The following RIPOR2 variants were observed in gnomAD, a reference collection of about 807,000 sequenced individuals.
RIPOR2 encodes RHO family interacting cell polarization regulator 2.
A neutral mutation model predicts 114.5 loss-of-function variants in RIPOR2; 39 were observed. That is an observed-to-expected ratio of 0.34 (90% CI 0.26 to 0.44). The LOEUF (loss-of-function observed/expected upper bound fraction) is 0.44. RIPOR2 is among the 20% of genes least tolerant of loss of function. The pLI, the probability that RIPOR2 is intolerant of heterozygous loss-of-function variation, is 1.00. For synonymous variants in RIPOR2, 445 were observed against 484.4 expected, an observed-to-expected ratio of 0.92 and a Z score of 1.07; for missense variants, 1,007 against 1,255.1, an observed-to-expected ratio of 0.80 and a Z score of 2.99.
chr6:24,833,606 G>A (rs1453598983), intron 15 of RIPOR2, among the ~76,000 whole-genome samples: 1 of 152,076 alleles, frequency 6.6e-6, no homozygotes, highest in African/African-American at 2.4e-5. Context: ...GCAATGAACT[G>A]CTTTATTTTG....
chr6:24,985,002 GATGCAACTCCAA>G (rs1275384630), intron 1 of RIPOR2, among the ~76,000 whole-genome samples: 1 of 152,190 alleles, frequency 6.6e-6, no homozygotes, highest in Non-Finnish European at 1.5e-5. Context: ...CAACTTAATG[GATGCAACTCCAA>G]ATGCAATAAA....
chr6:24,806,507 C>G, intron 21 of RIPOR2, 34 bp from the exon 22 acceptor site: 1 of 1,394,176 alleles, frequency 7.2e-7, no homozygotes, highest in African/African-American at 1.5e-5. Flanking sequence ...AATACCAATT[C>G]AAACAACGTT....
At chr6:24,842,568 T>C (rs2113729574) in intron 13 of RIPOR2, among the ~76,000 whole-genome samples, 1 of 152,314 alleles carries the variant, frequency 6.6e-6, no homozygotes, top group East Asian at 1.9e-4. Flanking sequence ...ATCATCAAAG[T>C]GCCTCTACTT....
At chr6:24,938,340 C>G (rs190879170), upstream of RIPOR2, among the ~76,000 whole-genome samples, 1 of 152,100 alleles carries the variant, frequency 6.6e-6, no homozygotes, top group Non-Finnish European at 1.5e-5. Context: ...AGAGATTCTC[C>G]CTCACATCCC....
intron 1 of RIPOR2, among the ~76,000 whole-genome samples, chr6:24,896,261 T>C (rs1049986362): frequency 1.3e-5 from 2 of 152,192 alleles, no homozygotes; most frequent in African/African-American, 4.8e-5. Flanking sequence ...ACTAATTGTA[T>C]AATAGGGATA....
chr6:24,901,996 G>A (rs1002471706), intron 1 of RIPOR2, among the ~76,000 whole-genome samples: 15 of 152,112 alleles, frequency 9.9e-5, no homozygotes, highest in African/African-American at 2.2e-4. Flanking sequence ...CTAAAGTATC[G>A]TGATGACTAT....
chr6:24,925,813 C>A (rs1020503481), intron 1 of RIPOR2, among the ~76,000 whole-genome samples: 6 of 152,136 alleles, frequency 3.9e-5, no homozygotes, highest in African/African-American at 1.4e-4. Context: ...ATGAGTGGCA[C>A]TCAATAAATA....
chr6:24,960,271 G>A (rs766482035), intron 1 of RIPOR2, among the ~76,000 whole-genome samples: 8 of 152,164 alleles, frequency 5.3e-5, no homozygotes, highest in Non-Finnish European at 1.0e-4. Flanking sequence ...GGAAGTCCAA[G>A]GTCAAGGCAC....
intron 1 of RIPOR2, among the ~76,000 whole-genome samples, chr6:24,905,253 C>A (rs896680608): frequency 2.0e-5 from 3 of 152,024 alleles, no homozygotes; most frequent in Non-Finnish European, 4.4e-5. Context: ...TATTTTATAT[C>A]TTTTCTGCTG....
intron 12 of RIPOR2, 42 bp downstream of exon 12, chr6:24,847,983 T>C: frequency 6.2e-7 from 1 of 1,612,600 alleles, no homozygotes; most frequent in Non-Finnish European, 8.5e-7. Context: ...AAGCACTGGC[T>C]CAGGTGCATT....
chr6:24,944,245 T>C (rs1168678612), intron 1 of RIPOR2, among the ~76,000 whole-genome samples: 1 of 151,958 alleles, frequency 6.6e-6, no homozygotes, highest in Non-Finnish European at 1.5e-5. Flanking sequence ...TAAGGCAGAG[T>C]TGTAAAGTGC....
At chr6:24,852,471 A>T in intron 9 of RIPOR2, 104 bp downstream of exon 9, 1 of 929,372 alleles carries the variant, frequency 1.1e-6, no homozygotes, top group Non-Finnish European at 1.7e-6. Flanking sequence ...AAAATTAAAA[A>T]TTAAAAAAAA....
In RIPOR2 at chr6:24,910,971, G is replaced by C. The variant is rs915850694; in HGVS notation, c.61+24867C>G. ...ACTTGGGTGAAGGGGACCCCGGGAG[G>C]AAGTCGGGTGGACGCGAGCTGTCCC... On this transcript the variant is annotated intron_variant, in intron 1 of 21. Coordinates refer to ENST00000643898, the MANE Select transcript of RIPOR2 (RefSeq NM_001286445.3). 4.1e-6 allele frequency: 4 copies of C among 985,172 alleles called. No individual in the cohort carries two copies. The African/African-American group carries it at 7.0e-5, about 17-fold the overall frequency. 61.0% of individuals were successfully genotyped at this position (985,172 alleles called of 1,614,324 possible).
chr6:24,810,189 T>C (rs1781052028), intron 20 of RIPOR2, among the ~76,000 whole-genome samples: 2 of 152,166 alleles, frequency 1.3e-5, no homozygotes, highest in African/African-American at 2.4e-5. Context: ...GCTGAGTGTC[T>C]GAAACCCAAT....
intron 1 of RIPOR2, among the ~76,000 whole-genome samples, chr6:24,922,708 A>T (rs2114112084): frequency 6.6e-6 from 1 of 152,032 alleles, no homozygotes; most frequent in African/African-American, 2.4e-5. Flanking sequence ...AAAAATACAA[A>T]AATTAGCCTG....
chr6:24,868,551 G>A (rs1194390612), intron 6 of RIPOR2, among the ~76,000 whole-genome samples: 2 of 152,214 alleles, frequency 1.3e-5, no homozygotes, highest in African/African-American at 2.4e-5. Context: ...TCAGGGCTGG[G>A]TGTCAGGGAC....
chr6:25,002,749 T>A (rs575690296), intron 1 of RIPOR2, among the ~76,000 whole-genome samples: 8 of 152,274 alleles, frequency 5.3e-5, no homozygotes, highest in African/African-American at 1.4e-4. Context: ...ACGGTGTCAA[T>A]CAAAAATACC....
chr6:24,820,713 T>C (rs567735878), intron 19 of RIPOR2, among the ~76,000 whole-genome samples: 1 of 152,184 alleles, frequency 6.6e-6, no homozygotes, highest in African/African-American at 2.4e-5. Flanking sequence ...TTTCTTTTTA[T>C]GGCCAAAAAA....
At chr6:24,939,426 A>G (rs528897745), upstream of RIPOR2, among the ~76,000 whole-genome samples, 10 of 152,310 alleles carry the variant, frequency 6.6e-5, no homozygotes, top group South Asian at 1.5e-3. Context: ...CTCATCTCTC[A>G]TATCAGGAAG....
Sources: gnomAD v4.1 joint callset for allele counts (sites outside exome capture counted in the v4.1 genomes callset) on GRCh38, gnomAD v4.1.1 for gene constraint, MANE v1.5 for transcripts, NCBI Gene and HGNC (gene_info 2026-07-23, HGNC 2026-07-21) for gene names.